The following DENND2B variants were observed in gnomAD, a reference collection of about 807,000 sequenced individuals.
DENND2B encodes DENN domain-containing protein 2B.
A neutral mutation model predicts 116.0 loss-of-function variants in DENND2B; 32 were observed. The observed-to-expected ratio is 0.28, with a 90% CI of 0.21 to 0.37. The LOEUF is 0.37. DENND2B is among the 10% of genes least tolerant of loss of function. The pLI is 1.00. For missense variants in DENND2B, 1,276 were observed against 1,477.7 expected, an observed-to-expected ratio of 0.86 and a Z score of 2.24; for synonymous variants, 588 against 583.9, an observed-to-expected ratio of 1.01 and a Z score of -0.10.
At chr11:8,896,190 C>T (rs2653563) in intron 1 of DENND2B, among the ~76,000 whole-genome samples, 141,606 of 152,192 alleles carry the variant, frequency 0.93, 66,705 homozygotes, top group East Asian at 1. Flanking sequence ...ACTCTACTTG[C>T]TAGAGCTTCC....
intron 1 of DENND2B, chr11:8,774,296 G>A: frequency 5.1e-6 from 5 of 985,422 alleles, no homozygotes; most frequent in Non-Finnish European, 6.0e-6. Flanking sequence ...CCAAAGCACA[G>A]TAATCACCTG....
At position 8,729,946 on chromosome 11, in the gene DENND2B, T is replaced by C; in HGVS notation, c.1340+4A>G. 1 of 1,613,718 alleles carries C rather than the reference T, an allele frequency of 6.2e-7. No homozygotes were observed. Among genetic ancestry groups the C allele is most frequent in the Non-Finnish European group, 8.5e-7 (1 of 1,179,790 alleles). On this transcript the variant is annotated splice_donor_region_variant and intron_variant, in intron 3 of 19. Transcript: ENST00000313726. ...CTACAACACACCGGAGGGGCATGCA[T>C]TACCTGCTCTGGGACTTGCGGTGAC...
At chr11:8,830,245 T>G (rs1042973051) in intron 4 of DENND2B, among the ~76,000 whole-genome samples, 4 of 152,164 alleles carry the variant, frequency 2.6e-5, no homozygotes, top group Non-Finnish European at 5.9e-5. Context: ...CCCTCCAAGG[T>G]AGATCATCGC....
chr11:8,705,171 C>T (rs1349304750), intron 13 of DENND2B, among the ~76,000 whole-genome samples: 1 of 152,192 alleles, frequency 6.6e-6, no homozygotes, highest in African/African-American at 2.4e-5. Context: ...AAACCTCTTC[C>T]TCTGGCAGCC....
At chr11:8,704,863 AT>A (rs955967569) in intron 13 of DENND2B, among the ~76,000 whole-genome samples, 10 of 148,976 alleles carry the variant, frequency 6.7e-5, no homozygotes, top group Non-Finnish European at 1.3e-4. Flanking sequence ...ACACCTGGCA[AT>A]TTTTTTTTTG....
intron 4 of DENND2B, among the ~76,000 whole-genome samples, chr11:8,817,564 G>T (rs1475251581): frequency 6.6e-6 from 1 of 152,142 alleles, no homozygotes; most frequent in Non-Finnish European, 1.5e-5. Flanking sequence ...AACTAGGGAA[G>T]TGTGGAATTC....
intron 1 of DENND2B, chr11:8,757,201 A>T: frequency 4.8e-6 from 2 of 418,122 alleles, no homozygotes; most frequent in Non-Finnish European, 9.4e-6. Context: ...TCACTTTGTC[A>T]CTATAACAGC....
At position 8,696,556 on chromosome 11, in the gene DENND2B, A is replaced by G. The variant is rs763383775; in HGVS notation, c.3163T>C (p.Phe1055Leu). 21 of 1,614,206 alleles carry G rather than the reference A, an allele frequency of 1.3e-5. No homozygotes were observed. The highest frequency in any genetic ancestry group is 1.8e-5 in the Non-Finnish European group (21 of 1,180,032). ...LTQSEKGERA[F>L]QREAFRKSVA... ...GATTTGCGGAAGGCCTCTCGCTGAA[A>G]GGCCCTCTCTCCCTTCTCACTCTGT... The change falls in exon 18 of 20, where the codon TTT becomes CTT. Residue 1055 changes from phenylalanine (F) to leucine (L), a missense_variant. Phe to Leu is a conservative substitution (Grantham distance 22). Around this residue, in one of 2 missense-constraint regions of DENND2B, gnomAD observed 420 missense variants for 631.1 expected, o/e 0.67. Coordinates refer to ENST00000313726, the MANE Select transcript of DENND2B (RefSeq NM_213618.2).
intron 1 of DENND2B, among the ~76,000 whole-genome samples, chr11:8,804,211 T>C (rs1484919568): frequency 6.6e-6 from 1 of 152,222 alleles, no homozygotes; most frequent in Non-Finnish European, 1.5e-5. Flanking sequence ...TAAAGGACAC[T>C]CTCAAGTACC....
chr11:8,830,262 ACTGGAGTG>A (rs1287089040), intron 4 of DENND2B, among the ~76,000 whole-genome samples: 1 of 152,150 alleles, frequency 6.6e-6, no homozygotes, highest in East Asian at 1.9e-4. Context: ...TCGCCGTGAC[ACTGGAGTG>A]AACATCTCTC....
chr11:8,781,130 T>G (rs893658533), intron 1 of DENND2B, among the ~76,000 whole-genome samples: 3 of 152,120 alleles, frequency 2.0e-5, no homozygotes, highest in Non-Finnish European at 4.4e-5. Context: ...GTTGGAAGGA[T>G]GGAGGGACTG....
At chr11:8,881,317 T>C (rs977641248) in intron 1 of DENND2B, among the ~76,000 whole-genome samples, 1 of 152,164 alleles carries the variant, frequency 6.6e-6, no homozygotes, top group African/African-American at 2.4e-5. Context: ...TCCTGTACTG[T>C]TCCTTTAATA....
At chr11:8,778,177 C>T (rs547021142) in intron 1 of DENND2B, among the ~76,000 whole-genome samples, 96 of 152,316 alleles carry the variant, frequency 6.3e-4, no homozygotes, top group African/African-American at 2.2e-3. Flanking sequence ...TTACCATTGG[C>T]CCTTGGATCA....
upstream of DENND2B, among the ~76,000 whole-genome samples, chr11:8,876,163 A>T (rs1429728880): frequency 6.6e-6 from 1 of 152,144 alleles, no homozygotes; most frequent in Non-Finnish European, 1.5e-5. Flanking sequence ...AGACAGGAGG[A>T]TCGTTTGAGC....
chr11:8,736,228 C>T (rs1444581414), intron 2 of DENND2B, among the ~76,000 whole-genome samples: 1 of 152,148 alleles, frequency 6.6e-6, no homozygotes, highest in South Asian at 2.1e-4. Context: ...AGCACCAAGT[C>T]TATTCCAGGC....
At chr11:8,820,802 A>AC in intron 4 of DENND2B, among the ~76,000 whole-genome samples, 1 of 152,314 alleles carries the variant, frequency 6.6e-6, no homozygotes, top group South Asian at 2.1e-4. Flanking sequence ...AAACTGCACT[A>AC]GATGGACTAT....
chr11:8,839,810 G>C (rs1461656967), intron 3 of DENND2B, among the ~76,000 whole-genome samples: 1 of 152,184 alleles, frequency 6.6e-6, no homozygotes, highest in Non-Finnish European at 1.5e-5. Context: ...ACCAGACTCT[G>C]GGTTGGGAAC....
At chr11:8,812,826 A>G (rs147488089), upstream of DENND2B, among the ~76,000 whole-genome samples, 30 of 152,344 alleles carry the variant, frequency 2.0e-4, no homozygotes, top group East Asian at 5.8e-3. Flanking sequence ...TCCTCACCAA[A>G]AACAAACAAA....
intron 1 of DENND2B, among the ~76,000 whole-genome samples, chr11:8,751,431 C>T (rs558117776): frequency 1.3e-5 from 2 of 152,302 alleles, no homozygotes; most frequent in South Asian, 4.1e-4. Flanking sequence ...TCCCCTTCCA[C>T]ACTGTGGAAG....
Sources: gnomAD v4.1 joint callset for allele counts (sites outside exome capture counted in the v4.1 genomes callset) on GRCh38, gnomAD v4.1.1 for gene constraint, gnomAD v4.1.1 regional missense constraint, MANE v1.5 for transcripts, NCBI Gene and HGNC (gene_info 2026-07-23, HGNC 2026-07-21) for gene names.